Variants in PDIA5 observed in about 807,000 individuals in gnomAD.
PDIA5 encodes protein disulfide-isomerase A5.
A neutral mutation model predicts 77.6 loss-of-function variants in PDIA5; 58 were observed. The ratio of observed to expected loss-of-function variants is 0.75; its 90% confidence interval spans 0.61 to 0.93. The LOEUF is 0.93. PDIA5 is among the 40% of genes least tolerant of loss of function. The pLI is 0.00. For missense variants in PDIA5, 630 were observed against 647.7 expected (o/e 0.97, Z 0.30); for synonymous variants, 250 against 252.1 (o/e 0.99, Z 0.08).
At chr3:123,084,307 G>C (rs1221522443) in intron 1 of PDIA5, among the ~76,000 whole-genome samples, 2 of 152,016 alleles carry the variant, frequency 1.3e-5, no homozygotes, top group Non-Finnish European at 2.9e-5. Flanking sequence ...TCCAGCTCCC[G>C]CCACGTGTAC....
chr3:123,140,957 G>T (rs1326458290), intron 11 of PDIA5, among the ~76,000 whole-genome samples: 2 of 152,164 alleles, frequency 1.3e-5, no homozygotes, highest in Non-Finnish European at 2.9e-5. Flanking sequence ...CTCAGACTCA[G>T]CCTCTGTCTC....
intron 11 of PDIA5, among the ~76,000 whole-genome samples, chr3:123,140,813 G>A (rs1433149458): frequency 6.6e-6 from 1 of 152,222 alleles, no homozygotes; most frequent in Non-Finnish European, 1.5e-5. Flanking sequence ...GGGAGCTGAG[G>A]CCAAAGCCCA....
chr3:123,077,832 CAG>C (rs1215441663), intron 1 of PDIA5, among the ~76,000 whole-genome samples: 1 of 146,446 alleles, frequency 6.8e-6, no homozygotes, highest in East Asian at 2.0e-4. Context: ...TTTTTTGAGA[CAG>C]AGTCTCACTC....
chr3:123,116,719 G>A (rs1935004648), intron 8 of PDIA5, among the ~76,000 whole-genome samples: 1 of 152,188 alleles, frequency 6.6e-6, no homozygotes, highest in Non-Finnish European at 1.5e-5. Flanking sequence ...CATAAAGGGG[G>A]CTCACAGAGG....
chr3:123,079,015 A>T (rs1292934787), intron 1 of PDIA5, among the ~76,000 whole-genome samples: 2 of 151,944 alleles, frequency 1.3e-5, no homozygotes, highest in Non-Finnish European at 2.9e-5. Flanking sequence ...AGTGGTGGTA[A>T]TTTTTTTCTT....
chr3:123,109,678 C>T (rs1469303662), intron 6 of PDIA5, among the ~76,000 whole-genome samples: 1 of 151,794 alleles, frequency 6.6e-6, no homozygotes, highest in East Asian at 1.9e-4. Flanking sequence ...TTAGAAAATG[C>T]ACCTTCAGCA....
chr3:123,124,392 C>A, intron 10 of PDIA5, 49 bp downstream of exon 10: 1 of 1,378,870 alleles, frequency 7.3e-7, no homozygotes, highest in Non-Finnish European at 1.0e-6. Context: ...GAGGGCGGGG[C>A]ATCTGCCGGG....
At chr3:123,074,716 A>G (rs1933806403) in intron 1 of PDIA5, among the ~76,000 whole-genome samples, 1 of 152,218 alleles carries the variant, frequency 6.6e-6, no homozygotes, top group Non-Finnish European at 1.5e-5. Flanking sequence ...TGTTATCTAC[A>G]TTCATAAATG....
intron 13 of PDIA5, among the ~76,000 whole-genome samples, chr3:123,148,273 A>C (rs1204152435): frequency 6.6e-6 from 1 of 152,188 alleles, no homozygotes; most frequent in Non-Finnish European, 1.5e-5. Flanking sequence ...AAGTACTCAA[A>C]AAAGTTGAAA....
At chr3:123,067,325 G>A in intron 1 of PDIA5, 119 bp downstream of exon 1, 1 of 884,534 alleles carries the variant, frequency 1.1e-6, no homozygotes, top group South Asian at 5.8e-5. Context: ...GCACCGGGAT[G>A]AGGGCGTGCA....
intron 9 of PDIA5, 49 bp downstream of exon 9, chr3:123,124,206 G>A: frequency 6.4e-7 from 1 of 1,570,078 alleles, no homozygotes; most frequent in Non-Finnish European, 8.8e-7. Context: ...CCTGGTGATT[G>A]ACCATAATCT....
At chr3:123,141,509 A>G (rs836869) in intron 11 of PDIA5, among the ~76,000 whole-genome samples, 97,614 of 152,112 alleles carry the variant, frequency 0.64, 32,561 homozygotes, top group East Asian at 0.83. Context: ...ACTCACCGCC[A>G]CAGGAGAGTC....
intron 1 of PDIA5, among the ~76,000 whole-genome samples, chr3:123,075,825 A>T (rs1283218101): frequency 2.0e-5 from 3 of 149,970 alleles, no homozygotes; most frequent in Admixed American, 2.0e-4. Context: ...TATTCCCAGA[A>T]TACCGAGCTC....
At chr3:123,084,353 C>T (rs1301646194) in intron 1 of PDIA5, among the ~76,000 whole-genome samples, 2 of 152,134 alleles carry the variant, frequency 1.3e-5, no homozygotes, top group Non-Finnish European at 2.9e-5. Context: ...AGGGACTTCA[C>T]AGCCTTTGGC....
In PDIA5 at chr3:123,102,829, G is replaced by A. The variant is rs375204377; in HGVS notation, c.387+33G>A. ...TACCTCCCTTGTTCTCAGCAATGGT[G>A]GAGTCTAAATGGACGCCCAAAGTCT... On this transcript the variant is annotated intron_variant, in intron 5 of 16. Transcript: ENST00000316218. The A allele has an allele frequency of 3.0e-5, 44 of 1,465,724 alleles. 1 individual carries two copies. The East Asian group carries it at 3.6e-4, about 12-fold the overall frequency. 90.8% of individuals were successfully genotyped at this position (1,465,724 alleles called of 1,614,324 possible). A position where few individuals can be genotyped will look rare whatever the true frequency, so the allele number is the denominator to read the frequency against.
At chr3:123,155,545 GTCCCCCAGGCACA>G (rs921195121) in intron 15 of PDIA5, among the ~76,000 whole-genome samples, 1 of 152,176 alleles carries the variant, frequency 6.6e-6, no homozygotes, top group Non-Finnish European at 1.5e-5. Context: ...CTCCAGGCGC[GTCCCCCAGGCACA>G]TCCCCCAGGC....
At chr3:123,105,121 C>G (rs973512033) in intron 5 of PDIA5, among the ~76,000 whole-genome samples, 1 of 152,164 alleles carries the variant, frequency 6.6e-6, no homozygotes, top group African/African-American at 2.4e-5. Context: ...GGCCAGGACA[C>G]CCCCCAGAGC....
At chr3:123,156,701 AG>A (rs1936026880) in intron 15 of PDIA5, among the ~76,000 whole-genome samples, 1 of 152,132 alleles carries the variant, frequency 6.6e-6, no homozygotes, top group Non-Finnish European at 1.5e-5. Context: ...GAGATCTGTG[AG>A]GGTCCTGAGG....
chr3:123,098,408 C>CCAGGGAGT (rs1352183902), intron 3 of PDIA5, among the ~76,000 whole-genome samples: 4 of 152,100 alleles, frequency 2.6e-5, no homozygotes. Context: ...GGCCTGACTC[C>CCAGGGAGT]CAGGAGTGTG....
Sources: gnomAD v4.1 joint callset for allele counts (sites outside exome capture counted in the v4.1 genomes callset) on GRCh38, gnomAD v4.1.1 for gene constraint, MANE v1.5 for transcripts, NCBI Gene and HGNC (gene_info 2026-07-23, HGNC 2026-07-21) for gene names.